CEP83: variants seen among roughly 807,000 people sequenced by gnomAD.
CEP83 encodes centrosomal protein 83, also known as centrosomal protein of 83 kDa.
A neutral mutation model predicts 101.9 loss-of-function variants in CEP83; 70 were observed. The observed-to-expected ratio is 0.69, with a 90% CI of 0.57 to 0.84. The LOEUF (loss-of-function observed/expected upper bound fraction) is 0.84, where lower values mean the gene tolerates loss of function less well. Among genes scored for constraint, CEP83 ranks in the 40% least tolerant of loss-of-function variants. CEP83 has a pLI of 0.00. For synonymous variants in CEP83, 264 were observed against 267.9 expected (o/e 0.99, Z 0.14); for missense variants, 715 against 787.2 (o/e 0.91, Z 1.10).
rs151082505 is a variant in CEP83 at position 94,400,116 on chromosome 12, T to C, written c.549+734A>G. Among the ~76,000 whole-genome samples the C allele has an allele frequency of 2.4e-3, 370 of 152,382 alleles. 2 individuals carry two copies. The highest frequency in any genetic ancestry group is 8.6e-3 in the African/African-American group (358 of 41,594). On this transcript the variant is annotated intron_variant, in intron 6 of 16. Coordinates refer to ENST00000397809, the MANE Select transcript of CEP83 (RefSeq NM_016122.3). ...ATGCAATAAATTTAAAATGTAGATATGTTTGTAAACAGAATATTTCACATA... is the reference window on the plus strand; with the variant it reads ...ATGCAATAAATTTAAAATGTAGATACGTTTGTAAACAGAATATTTCACATA...
the CEP83 span, chr12:94,297,154 G>A: frequency 6.2e-7 from 1 of 1,611,138 alleles, no homozygotes; most frequent in East Asian, 2.2e-5. Flanking sequence ...TTTTTTTAAT[G>A]GACTGCTTTC....
chr12:94,449,022 C>T (rs537735375), intron 1 of CEP83, among the ~76,000 whole-genome samples: 3 of 66,738 alleles, frequency 4.5e-5, no homozygotes, highest in African/African-American at 1.3e-4. Context: ...TCAACAAAAT[C>T]GAAAAAAAAA....
chr12:94,303,953 T>C (rs1968743619), downstream of CEP83: 1 of 1,606,528 alleles, frequency 6.2e-7, no homozygotes, highest in South Asian at 1.1e-5. Context: ...CATTTCAGAA[T>C]CTCTCAACAA....
intron 11 of CEP83, among the ~76,000 whole-genome samples, chr12:94,348,899 C>T (rs1304826768): frequency 6.6e-6 from 1 of 152,202 alleles, no homozygotes; most frequent in Non-Finnish European, 1.5e-5. Flanking sequence ...CACCTGACCT[C>T]TTGCCAACTG....
chr12:94,416,215 A>G (rs754123273), intron 2 of CEP83, among the ~76,000 whole-genome samples: 5 of 152,190 alleles, frequency 3.3e-5, no homozygotes, highest in Non-Finnish European at 7.4e-5. Context: ...AAGATGGAAC[A>G]GATATACATT....
chr12:94,347,249 G>A (rs2059984980), intron 11 of CEP83, among the ~76,000 whole-genome samples: 2 of 151,832 alleles, frequency 1.3e-5, no homozygotes, highest in South Asian at 4.2e-4. Flanking sequence ...TGTAAAAAGT[G>A]GCCAAAATAT....
chr12:94,435,618 A>ATC (rs201672480), intron 1 of CEP83, among the ~76,000 whole-genome samples: 2,406 of 152,268 alleles, frequency 0.016, 19 homozygotes, highest in Non-Finnish European at 0.024. Context: ...GCAAGATTAT[A>ATC]TCCCCCTTCT....
chr12:94,339,113 C>T (rs887672970), intron 11 of CEP83, among the ~76,000 whole-genome samples: 5 of 152,030 alleles, frequency 3.3e-5, no homozygotes, highest in African/African-American at 1.2e-4. Flanking sequence ...TACAGGCATC[C>T]ACCACCACGC....
Position 94,447,459 on chromosome 12 carries a change from C to T in CEP83, c.-155+12098G>A, listed in dbSNP as rs552931894. 8.5e-5 allele frequency among the ~76,000 whole-genome samples: 13 copies of T among 152,086 alleles called. No homozygotes were observed. In the South Asian group the frequency reaches 1.0e-3, roughly 12 times the overall value. On this transcript the variant is annotated intron_variant, in intron 1 of 16. Coordinates refer to ENST00000397809, the MANE Select transcript of CEP83 (RefSeq NM_016122.3). ...AGCGGTGGCTGCAGTGAGCCAAGAT[C>T]GCACTATTGCACTCCAGCCTGGAAA...
At chr12:94,406,024 T>A (rs756905432) in intron 4 of CEP83, among the ~76,000 whole-genome samples, 3 of 152,192 alleles carry the variant, frequency 2.0e-5, no homozygotes, top group Non-Finnish European at 4.4e-5. Flanking sequence ...AAGAATAGTT[T>A]CTGTTCCCCA....
At chr12:94,408,476 A>T (rs776644282) in intron 4 of CEP83, among the ~76,000 whole-genome samples, 1 of 152,230 alleles carries the variant, frequency 6.6e-6, no homozygotes, top group Non-Finnish European at 1.5e-5. Flanking sequence ...TTTCCGTTTT[A>T]TTAGAATATA....
At chr12:94,266,062 G>A in the CEP83 span, among the ~76,000 whole-genome samples, 1 of 152,220 alleles carries the variant, frequency 6.6e-6, no homozygotes, top group Non-Finnish European at 1.5e-5. Context: ...CTCGTTAGTG[G>A]AGGAGGAAAA....
intron 1 of CEP83, among the ~76,000 whole-genome samples, chr12:94,438,348 A>G (rs1230067444): frequency 2.0e-5 from 3 of 152,234 alleles, no homozygotes; most frequent in Non-Finnish European, 1.5e-5. Flanking sequence ...AAGGGGTGGA[A>G]AAAGATATTC....
At chr12:94,272,709 A>G in the CEP83 span, among the ~76,000 whole-genome samples, 2 of 152,238 alleles carry the variant, frequency 1.3e-5, no homozygotes, top group African/African-American at 4.8e-5. Flanking sequence ...AATCTGGAGC[A>G]TACTGGCCAC....
chr12:94,268,690 G>A, the CEP83 span, among the ~76,000 whole-genome samples: 2 of 149,282 alleles, frequency 1.3e-5, no homozygotes, highest in Admixed American at 1.4e-4. Context: ...CGCCTCTGGG[G>A]TTCAAGCGAT....
the CEP83 span, chr12:94,294,390 C>G: frequency 8.1e-6 from 5 of 620,402 alleles, no homozygotes; most frequent in South Asian, 8.7e-5. Context: ...TAATAAGTGA[C>G]AGCATGTAAG....
At chr12:94,429,811 G>A (rs1256194715) in intron 2 of CEP83, among the ~76,000 whole-genome samples, 1 of 152,166 alleles carries the variant, frequency 6.6e-6, no homozygotes, top group Non-Finnish European at 1.5e-5. Context: ...GTGAAACACA[G>A]GCTGCACCAC....
At chr12:94,451,152 A>T (rs569759271) in intron 1 of CEP83, among the ~76,000 whole-genome samples, 1 of 152,332 alleles carries the variant, frequency 6.6e-6, no homozygotes. Context: ...CTCTTCTTAC[A>T]TCAAATGCAC....
chr12:94,443,842 C>G (rs752291495), intron 1 of CEP83, among the ~76,000 whole-genome samples: 1 of 151,932 alleles, frequency 6.6e-6, no homozygotes, highest in Non-Finnish European at 1.5e-5. Flanking sequence ...TGCTTTATAA[C>G]TATATAAACT....
Sources: allele counts gnomAD v4.1 joint callset (sites outside exome capture counted in the v4.1 genomes callset), GRCh38; gene constraint gnomAD v4.1.1; transcripts MANE v1.5; gene names NCBI Gene and HGNC (gene_info 2026-07-23, HGNC 2026-07-21).